The following TMEM132B variants were observed in gnomAD, a reference collection of about 807,000 sequenced individuals.
The protein encoded by TMEM132B is transmembrane protein 132B.
Under a neutral mutation model 90.8 loss-of-function variants are expected in TMEM132B, and 18 were observed. The ratio of observed to expected loss-of-function variants is 0.20; its 90% CI spans 0.14 to 0.29. The LOEUF is 0.29. Among genes scored for constraint, TMEM132B ranks in the 10% least tolerant of loss-of-function variants. The pLI is 1.00. For missense variants in TMEM132B, 1,096 were observed against 1,326.8 expected (o/e 0.83, Z 2.70); for synonymous variants, 504 against 523.3 (o/e 0.96, Z 0.50).
At chr12:125,359,529 C>T (rs1877894928) in intron 2 of TMEM132B, among the ~76,000 whole-genome samples, 1 of 152,060 alleles carries the variant, frequency 6.6e-6, no homozygotes, top group Non-Finnish European at 1.5e-5. Context: ...GACAAATATA[C>T]ACTCTGGGCT....
At chr12:125,560,831 CAAAAAAAAAAAAAAAAAA>C (rs58083131) in intron 4 of TMEM132B, among the ~76,000 whole-genome samples, 1 of 29,252 alleles carries the variant, frequency 3.4e-5, no homozygotes, top group East Asian at 2.0e-3. Context: ...GACTCTGTCT[CAAAAAAAAAAAAAAAAAA>C]AAAAAAAAAA....
At chr12:125,212,380 T>C (rs748720336) in intron 1 of TMEM132B, among the ~76,000 whole-genome samples, 9 of 152,260 alleles carry the variant, frequency 5.9e-5, no homozygotes, top group Middle Eastern at 3.4e-3. Context: ...TCTTGCTATA[T>C]TGCACAGTCT....
chr12:125,348,182 G>A (rs142753547), intron 1 of TMEM132B, among the ~76,000 whole-genome samples: 2 of 151,150 alleles, frequency 1.3e-5, no homozygotes, highest in African/African-American at 2.4e-5. Context: ...TAGCTCTACC[G>A]CATTTTAAGA....
chr12:125,533,109 G>A (rs1883688786), intron 4 of TMEM132B, among the ~76,000 whole-genome samples: 1 of 152,116 alleles, frequency 6.6e-6, no homozygotes, highest in Non-Finnish European at 1.5e-5. Flanking sequence ...TTCAATTCCA[G>A]CCTGGCTTAA....
At chr12:125,382,120 A>G (rs568089980) in intron 2 of TMEM132B, among the ~76,000 whole-genome samples, 8 of 152,326 alleles carry the variant, frequency 5.3e-5, no homozygotes, top group African/African-American at 1.9e-4. Context: ...GCACACAGGT[A>G]ACTCTAACTT....
At chr12:125,403,475 T>A (rs1240556651) in intron 2 of TMEM132B, among the ~76,000 whole-genome samples, 1 of 152,246 alleles carries the variant, frequency 6.6e-6, no homozygotes, top group Non-Finnish European at 1.5e-5. Context: ...ATCTTTTCCA[T>A]GTAGTTTTAG....
chr12:125,647,169 G>T (rs1886786076), intron 6 of TMEM132B, among the ~76,000 whole-genome samples: 1 of 152,140 alleles, frequency 6.6e-6, no homozygotes, highest in African/African-American at 2.4e-5. Context: ...CAATAACAGA[G>T]AAAATAGTCT....
intron 5 of TMEM132B, among the ~76,000 whole-genome samples, chr12:125,636,882 G>T (rs1275307970): frequency 6.6e-6 from 1 of 152,186 alleles, no homozygotes; most frequent in African/African-American, 2.4e-5. Context: ...AAACTCCCCT[G>T]TATTTACAGT....
At chr12:125,318,034 G>T (rs181391892) in intron 1 of TMEM132B, among the ~76,000 whole-genome samples, 1 of 152,164 alleles carries the variant, frequency 6.6e-6, no homozygotes, top group East Asian at 1.9e-4. Flanking sequence ...AGTGGGTTAC[G>T]GCGATGTATG....
At chr12:125,432,527 A>G (rs1343667193) in intron 3 of TMEM132B, among the ~76,000 whole-genome samples, 6 of 84,242 alleles carry the variant, frequency 7.1e-5, no homozygotes, top group East Asian at 3.2e-4. Context: ...ATATATATAT[A>G]TAGAGAGAGA....
chr12:125,323,185 C>T (rs1331154178), intron 1 of TMEM132B, among the ~76,000 whole-genome samples: 9 of 152,154 alleles, frequency 5.9e-5, no homozygotes, highest in Admixed American at 2.6e-4. Context: ...CCTGTAATCC[C>T]AGCACTTTGG....
At chr12:125,428,038 C>T (rs1227088495) in intron 3 of TMEM132B, among the ~76,000 whole-genome samples, 3 of 151,792 alleles carry the variant, frequency 2.0e-5, no homozygotes, top group Non-Finnish European at 4.4e-5. Flanking sequence ...CTCTGTGTTA[C>T]CCAGATTGGA....
intron 1 of TMEM132B, among the ~76,000 whole-genome samples, chr12:125,230,703 A>G (rs1290183267): frequency 6.9e-6 from 1 of 145,912 alleles, no homozygotes; most frequent in African/African-American, 2.6e-5. Flanking sequence ...ACGGGGTTTC[A>G]CCTTGTTAGC....
intron 4 of TMEM132B, among the ~76,000 whole-genome samples, chr12:125,577,488 T>C (rs1468488347): frequency 6.7e-6 from 1 of 150,188 alleles, no homozygotes; most frequent in African/African-American, 2.4e-5. Flanking sequence ...AATGTATAAA[T>C]ATTATGAAAT....
chr12:125,212,079 C>T (rs1873330806), intron 1 of TMEM132B, among the ~76,000 whole-genome samples: 1 of 152,224 alleles, frequency 6.6e-6, no homozygotes, highest in African/African-American at 2.4e-5. Context: ...GTTTTTCAGT[C>T]TGACTCCGGA....
chr12:125,319,069 G>A (rs2136188043), intron 1 of TMEM132B, among the ~76,000 whole-genome samples: 1 of 152,318 alleles, frequency 6.6e-6, no homozygotes, highest in South Asian at 2.1e-4. Context: ...ATCAGGTAGA[G>A]GTGGCTCAGG....
chr12:125,419,758 A>T (rs916707051), intron 3 of TMEM132B, among the ~76,000 whole-genome samples: 2 of 152,220 alleles, frequency 1.3e-5, no homozygotes, highest in Non-Finnish European at 2.9e-5. Context: ...CCTATCTGAG[A>T]CAAGGCAAGC....
At chr12:125,308,079 T>TATATATACTTATAATACAATTATATTAC (rs1565998363) in intron 1 of TMEM132B, among the ~76,000 whole-genome samples, 1 of 136,574 alleles carries the variant, frequency 7.3e-6, no homozygotes, top group Non-Finnish European at 1.6e-5. Flanking sequence ...AAGTATATTA[T>TATATATACTTATAATACAATTATATTAC]AAGTATATAT....
At position 125,519,687 on chromosome 12, in the gene TMEM132B, C is replaced by T. The variant is rs1410601226; in HGVS notation, c.1293+62C>T. ...AGAAGTTTTCTTTAAACATGATGCA[C>T]TGTATAATCTGTTATTTTCCACATA... On this transcript the variant is annotated intron_variant, in intron 4 of 8. Transcript: ENST00000682704. The T allele has an allele frequency of 4.6e-6, 7 of 1,513,680 alleles. 1 individual carries two copies. In the South Asian group the frequency reaches 6.9e-5, roughly 15 times the overall value. 93.8% of individuals were successfully genotyped at this position (1,513,680 alleles called of 1,614,324 possible). A position where few individuals can be genotyped will look rare whatever the true frequency, so the allele number is the denominator to read the frequency against.
Sources: allele counts gnomAD v4.1 joint callset (sites outside exome capture counted in the v4.1 genomes callset), GRCh38; gene constraint gnomAD v4.1.1; transcripts MANE v1.5; gene names NCBI Gene and HGNC (gene_info 2026-07-23, HGNC 2026-07-21).